Variants in GPD2 observed in about 807,000 individuals in gnomAD.
GPD2 encodes the protein glycerol-3-phosphate dehydrogenase 2, also known as glycerol-3-phosphate dehydrogenase, mitochondrial.
Under a neutral mutation model 82.4 loss-of-function variants are expected in GPD2, and 54 were observed. The ratio of observed to expected loss-of-function variants is 0.66; its 90% confidence interval spans 0.53 to 0.82. The LOEUF (loss-of-function observed/expected upper bound fraction) is 0.82, where lower values mean the gene tolerates loss of function less well. Among genes scored for constraint, GPD2 ranks in the 40% least tolerant of loss-of-function variants. GPD2 has a pLI of 0.00. For missense variants in GPD2, 748 were observed against 896.2 expected (o/e 0.83, Z 2.11); for synonymous variants, 288 against 306.1 (o/e 0.94, Z 0.62).
intron 1 of GPD2, among the ~76,000 whole-genome samples, chr2:156,456,079 A>C (rs1482363717): frequency 6.6e-6 from 1 of 152,178 alleles, no homozygotes; most frequent in Non-Finnish European, 1.5e-5. Flanking sequence ...CCTTCTACTG[A>C]GTGACTTTTA....
At chr2:156,445,037 C>T (rs1018808201) in intron 1 of GPD2, among the ~76,000 whole-genome samples, 2 of 152,350 alleles carry the variant, frequency 1.3e-5, no homozygotes, top group East Asian at 1.9e-4. Context: ...GCATGAGCCC[C>T]TGTGCCTGGC....
chr2:156,489,086 C>T (rs557819700), intron 2 of GPD2, among the ~76,000 whole-genome samples: 107 of 152,178 alleles, frequency 7.0e-4, no homozygotes, highest in African/African-American at 2.4e-3. Context: ...TGCAGTTGTT[C>T]CTGTCTTTAA....
At chr2:156,452,369 C>T (rs1394617112) in intron 1 of GPD2, among the ~76,000 whole-genome samples, 2 of 152,260 alleles carry the variant, frequency 1.3e-5, no homozygotes, top group African/African-American at 4.8e-5. Context: ...CCGGCCAACA[C>T]AGCAAAACCC....
At chr2:156,578,794 A>T in intron 13 of GPD2, 95 bp from the exon 14 acceptor site, 1 of 784,258 alleles carries the variant, frequency 1.3e-6, no homozygotes, top group East Asian at 2.5e-5. Context: ...ATAAGTAAGG[A>T]TCAACTTCAT....
chr2:156,568,855 G>A lies in GPD2; in HGVS notation c.1196G>A (p.Ser399Asn). ...AGAGGGGATGTCCTGGCAGCATGGA[G>A]TGGAATCCGTCCTCTTGTTACAGAC... is the stretch of plus-strand genomic sequence containing the variant. ...VRRGDVLAAW[S>N]GIRPLVTDPK... Residue 399 changes from serine to asparagine, a missense_variant, in exon 10 of 17, where the codon AGT becomes AAT. Ser to Asn is a conservative substitution (Grantham distance 46). This residue lies in a region of GPD2 where 692 missense variants were observed against 809.7 expected (regional missense o/e 0.85). Transcript: ENST00000438166. 6.2e-7 allele frequency: 1 copy of A among 1,612,772 alleles called. No individual in the cohort carries two copies. The highest frequency in any genetic ancestry group is 8.5e-7 in the Non-Finnish European group (1 of 1,178,906).
At position 156,509,313 on chromosome 2, in the gene GPD2, A is replaced by G. The variant is rs542611762; in HGVS notation, c.275-1483A>G. Among the ~76,000 whole-genome samples the G allele has an allele frequency of 7.2e-5, 11 of 152,308 alleles. No individual in the cohort carries two copies. In the South Asian group the frequency reaches 2.3e-3, roughly 32 times the overall value. ...AGGGAATTGCCCTGATTTTATGATG[A>G]CATTTGGGTACGATATTTAAACTGT... On this transcript the variant is annotated intron_variant, in intron 3 of 16. Coordinates refer to ENST00000438166, the MANE Select transcript of GPD2 (RefSeq NM_000408.5).
At chr2:156,537,633 T>G (rs185027922) in intron 6 of GPD2, among the ~76,000 whole-genome samples, 2 of 152,334 alleles carry the variant, frequency 1.3e-5, no homozygotes, top group African/African-American at 2.4e-5. Flanking sequence ...TGTTTATTTT[T>G]CACATTTGAG....
intron 1 of GPD2, among the ~76,000 whole-genome samples, chr2:156,457,325 A>G (rs1365557493): frequency 6.6e-6 from 1 of 152,198 alleles, no homozygotes. Context: ...CTTACAGGGA[A>G]TATTTTTAAT....
intron 1 of GPD2, among the ~76,000 whole-genome samples, chr2:156,448,520 T>C (rs984032570): frequency 1.3e-5 from 2 of 152,168 alleles, no homozygotes; most frequent in East Asian, 1.9e-4. Flanking sequence ...TAATAATGCT[T>C]AAATAAAGGA....
chr2:156,515,310 C>T (rs1291974844), intron 6 of GPD2, among the ~76,000 whole-genome samples: 1 of 151,150 alleles, frequency 6.6e-6, no homozygotes, highest in Admixed American at 6.6e-5. Context: ...GCTGAGGTGG[C>T]TGCAGTGAGC....
At chr2:156,413,626 CT>C in the GPD2 span, among the ~76,000 whole-genome samples, 1 of 151,902 alleles carries the variant, frequency 6.6e-6, no homozygotes, top group Non-Finnish European at 1.5e-5. Context: ...TAAATAAGGC[CT>C]GGCCCAGTGG....
At chr2:156,463,251 A>G (rs1683048171) in intron 1 of GPD2, among the ~76,000 whole-genome samples, 2 of 152,224 alleles carry the variant, frequency 1.3e-5, no homozygotes, top group South Asian at 4.1e-4. Context: ...CATTCTTGAA[A>G]TATAGTATTT....
the GPD2 span, among the ~76,000 whole-genome samples, chr2:156,426,401 G>C: frequency 6.6e-6 from 1 of 152,342 alleles, no homozygotes; most frequent in Non-Finnish European, 1.5e-5. Flanking sequence ...AAAACCATCA[G>C]ATCTCATGAG....
intron 2 of GPD2, chr2:156,495,645 C>T (rs1321798569): frequency 4.5e-6 from 2 of 446,384 alleles, no homozygotes; most frequent in Admixed American, 2.7e-5. Context: ...CTTTTTCCTC[C>T]TCCTTCACCA....
the GPD2 span, among the ~76,000 whole-genome samples, chr2:156,405,074 C>A: frequency 6.6e-6 from 1 of 152,050 alleles, no homozygotes; most frequent in Non-Finnish European, 1.5e-5. Flanking sequence ...ATAGAGAAAT[C>A]CATTCAAGAG....
At chr2:156,568,568 C>G (rs1687474582) in intron 9 of GPD2, among the ~76,000 whole-genome samples, 1 of 152,004 alleles carries the variant, frequency 6.6e-6, no homozygotes, top group South Asian at 2.1e-4. Context: ...GCCTCTTTTG[C>G]TTCCTCTGTG....
chr2:156,549,424 C>T (rs1001883272), intron 6 of GPD2, among the ~76,000 whole-genome samples, 184 bp from the exon 7 acceptor site: 1 of 152,170 alleles, frequency 6.6e-6, no homozygotes, highest in African/African-American at 2.4e-5. Context: ...GCTGAAGCGG[C>T]AGGTAGATGC....
At chr2:156,579,625 C>G in intron 15 of GPD2, 65 bp from the exon 16 acceptor site, 1 of 853,664 alleles carries the variant, frequency 1.2e-6, no homozygotes, top group East Asian at 2.5e-5. Context: ...AGCCTCCTTG[C>G]CCAGCCAAAG....
intron 3 of GPD2, among the ~76,000 whole-genome samples, chr2:156,503,153 A>G (rs1684653379): frequency 6.6e-6 from 1 of 152,184 alleles, no homozygotes; most frequent in Non-Finnish European, 1.5e-5. Flanking sequence ...TCCTGGGCCC[A>G]GAGAGTGGTC....
Sources: gnomAD v4.1 joint callset for allele counts (sites outside exome capture counted in the v4.1 genomes callset) on GRCh38, gnomAD v4.1.1 for gene constraint, gnomAD v4.1.1 regional missense constraint, MANE v1.5 for transcripts, NCBI Gene and HGNC (gene_info 2026-07-23, HGNC 2026-07-21) for gene names.